The following CHODL variants were observed in gnomAD, a reference collection of about 807,000 sequenced individuals.
CHODL encodes transmembrane protein MT75.
CHODL carries 29 observed loss-of-function variants against 34.5 expected under a neutral mutation model. The observed-to-expected ratio is 0.84, with a 90% CI of 0.63 to 1.15. CHODL has a LOEUF of 1.15. Ranked by LOEUF, CHODL falls within the 50% of genes most tolerant of loss-of-function variation. The pLI is 0.00. For synonymous variants in CHODL, 125 were observed against 116.1 expected (o/e 1.08, Z -0.49); for missense variants, 332 against 332.5 (o/e 1.00, Z 0.01).
chr21:17,922,284 C>T (rs2063189213), intron 1 of CHODL, among the ~76,000 whole-genome samples: 1 of 152,048 alleles, frequency 6.6e-6, no homozygotes, highest in South Asian at 2.1e-4. Flanking sequence ...TGTGAGCTCA[C>T]TCATGTCTCC....
At chr21:18,193,598 A>T (rs1327732550) in intron 2 of CHODL, among the ~76,000 whole-genome samples, 5 of 151,728 alleles carry the variant, frequency 3.3e-5, no homozygotes, top group Admixed American at 1.3e-4. Context: ...TGAGAGGCTG[A>T]GGCAGGAGAT....
chr21:17,922,099 T>G (rs1459637186), intron 1 of CHODL, among the ~76,000 whole-genome samples: 1 of 151,948 alleles, frequency 6.6e-6, no homozygotes, highest in Non-Finnish European at 1.5e-5. Context: ...AATGCTTAAT[T>G]AGGAGGTACA....
intron 2 of CHODL, among the ~76,000 whole-genome samples, chr21:18,096,249 T>C (rs1226525144): frequency 1.3e-5 from 2 of 152,172 alleles, no homozygotes; most frequent in African/African-American, 4.8e-5. Context: ...GACCCTGTGA[T>C]GATTGTGTTA....
Position 18,256,813 on chromosome 21 carries a change from G to A in CHODL, c.384G>A (p.Gln128=). ...AGTGGTCTGATGGAAGCAATTCCCA[G>A]TACCGGTGAGTATGGATCTTGAGCA... ...LYQWSDGSNS[Q]YRNWYTDEPS... is the part of the protein sequence containing the mutation. The change falls in exon 2 of 6, where the codon CAG becomes CAA. Residue 128 remains glutamine (Q), a synonymous_variant. Transcript: ENST00000299295. 1 of 1,612,298 alleles carries A rather than the reference G, an allele frequency of 6.2e-7. No homozygotes were observed. Among genetic ancestry groups the A allele is most frequent in the Non-Finnish European group, 8.5e-7 (1 of 1,179,000 alleles).
At chr21:18,058,881 G>C (rs2146480486) in intron 2 of CHODL, among the ~76,000 whole-genome samples, 1 of 152,246 alleles carries the variant, frequency 6.6e-6, no homozygotes, top group East Asian at 1.9e-4. Context: ...TTCAGTGCCT[G>C]ATTGTCTTTT....
At chr21:18,023,034 A>G (rs1192283614) in intron 1 of CHODL, among the ~76,000 whole-genome samples, 1 of 152,212 alleles carries the variant, frequency 6.6e-6, no homozygotes, top group Non-Finnish European at 1.5e-5. Flanking sequence ...GAAAGATTTC[A>G]TAGGAATGAT....
chr21:18,251,592 TTTTATTTA>T (rs1233101642), intron 1 of CHODL, among the ~76,000 whole-genome samples: 2 of 78,496 alleles, frequency 2.5e-5, no homozygotes, highest in African/African-American at 1.2e-4. Flanking sequence ...AAAATATTTA[TTTTATTTA>T]TTTATTTTAA....
chr21:18,256,505 TCAG>T lies in CHODL; in HGVS notation c.80-3_80-1del. On this transcript the variant is annotated splice_acceptor_variant and splice_polypyrimidine_tract_variant and intron_variant, in intron 1 of 5. Transcript: ENST00000299295. LOFTEE classifies it high-confidence loss of function. ...ATATATGGGCATCTTTTTTTTTTTT[TCAG>T]GCCAAAAGGTGTGTTTTGCTGACTT... 2 of 1,575,752 alleles carry T rather than the reference TCAG, an allele frequency of 1.3e-6. No individual in the cohort carries two copies. Among genetic ancestry groups the T allele is most frequent in the Non-Finnish European group, 1.7e-6 (2 of 1,164,696 alleles).
At chr21:18,019,919 G>A (rs778712468) in intron 1 of CHODL, among the ~76,000 whole-genome samples, 8 of 151,932 alleles carry the variant, frequency 5.3e-5, no homozygotes, top group African/African-American at 9.7e-5. Flanking sequence ...GCTTGGATAC[G>A]GTGTGTGTCA....
At chr21:18,154,601 T>A (rs1015943774) in intron 2 of CHODL, among the ~76,000 whole-genome samples, 1 of 152,196 alleles carries the variant, frequency 6.6e-6, no homozygotes, top group African/African-American at 2.4e-5. Context: ...GTTACCTGTT[T>A]AATTATCATA....
In CHODL at chr21:18,266,444, T is replaced by C. The variant is rs2074463393; in HGVS notation, c.*406T>C. On this transcript the variant is annotated 3_prime_UTR_variant, in exon 6 of 6. Coordinates refer to ENST00000299295, the MANE Select transcript of CHODL (RefSeq NM_024944.3). The stretch of plus-strand genomic sequence containing the variant: ...TACAGTGTGCAAAAGTATTTTACCT[T>C]TGCATAAGTGTTTGATAAAAATGAA... 4.1e-6 allele frequency: 1 copy of C among 244,420 alleles called. No homozygotes were observed. The highest frequency in any genetic ancestry group is 8.0e-6 in the Non-Finnish European group (1 of 125,554). 15.1% of individuals were successfully genotyped at this position (244,420 alleles called of 1,614,324 possible).
At chr21:18,258,651 A>T (rs1305673511) in intron 3 of CHODL, among the ~76,000 whole-genome samples, 1 of 151,964 alleles carries the variant, frequency 6.6e-6, no homozygotes, top group Non-Finnish European at 1.5e-5. Context: ...CAAATCTTCA[A>T]ATAATCTATA....
chr21:18,209,282 G>T (rs1338624604), intron 2 of CHODL, among the ~76,000 whole-genome samples: 2 of 152,142 alleles, frequency 1.3e-5, no homozygotes, highest in African/African-American at 4.8e-5. Flanking sequence ...ACAAGGAGGG[G>T]AGTCTCTTCT....
At chr21:18,152,610 A>C (rs192257276) in intron 2 of CHODL, among the ~76,000 whole-genome samples, 1 of 152,366 alleles carries the variant, frequency 6.6e-6, no homozygotes, top group East Asian at 1.9e-4. Flanking sequence ...GATCCTGGCC[A>C]CATGGCTCTC....
chr21:18,029,769 T>C (rs1317715287), intron 2 of CHODL, among the ~76,000 whole-genome samples: 2 of 152,076 alleles, frequency 1.3e-5, no homozygotes, highest in African/African-American at 4.8e-5. Flanking sequence ...CAAATGGATG[T>C]TCAAGCCCAG....
intron 2 of CHODL, among the ~76,000 whole-genome samples, chr21:18,183,931 C>T (rs1015909806): frequency 3.9e-5 from 6 of 152,082 alleles, no homozygotes; most frequent in African/African-American, 1.4e-4. Context: ...GTTTTTTAGC[C>T]TGAAAACACA....
intron 2 of CHODL, among the ~76,000 whole-genome samples, chr21:18,107,674 C>T (rs953770715): frequency 1.3e-5 from 2 of 152,160 alleles, no homozygotes; most frequent in African/African-American, 4.8e-5. Flanking sequence ...GAAGTTTCCT[C>T]CCACTGGGTA....
intron 1 of CHODL, among the ~76,000 whole-genome samples, chr21:17,928,034 G>A (rs2063242260): frequency 6.6e-6 from 1 of 152,134 alleles, no homozygotes; most frequent in African/African-American, 2.4e-5. Flanking sequence ...ATATTGAATA[G>A]GTTCACTAGG....
At chr21:18,241,629 G>A (rs2074083199), upstream of CHODL, among the ~76,000 whole-genome samples, 1 of 152,144 alleles carries the variant, frequency 6.6e-6, no homozygotes, top group Non-Finnish European at 1.5e-5. Context: ...CTGGAATTTA[G>A]GCTGTCCTTC....
Sources: gnomAD v4.1 joint callset for allele counts (sites outside exome capture counted in the v4.1 genomes callset) on GRCh38, gnomAD v4.1.1 for gene constraint, MANE v1.5 for transcripts, NCBI Gene and HGNC (gene_info 2026-07-23, HGNC 2026-07-21) for gene names.